LMX1B: variants seen among roughly 807,000 people sequenced by gnomAD.
LMX1B encodes the protein LIM homeobox transcription factor 1 beta, also known as LIM homeobox transcription factor 1-beta.
Under a neutral mutation model 51.4 loss-of-function variants are expected in LMX1B, and 12 were observed. The ratio of observed to expected loss-of-function variants is 0.23; its 90% CI spans 0.15 to 0.38. The LOEUF is 0.38. Ranked by LOEUF, LMX1B falls within the 10% of genes least tolerant of loss-of-function variation. The pLI is 1.00. For synonymous variants in LMX1B, 237 were observed against 235.4 expected, an observed-to-expected ratio of 1.01 and a Z score of -0.06; for missense variants, 445 against 571.1, an observed-to-expected ratio of 0.78 and a Z score of 2.25.
intron 2 of LMX1B, among the ~76,000 whole-genome samples, chr9:126,627,827 C>T (rs1051110411): frequency 6.6e-6 from 1 of 152,238 alleles, no homozygotes; most frequent in African/African-American, 2.4e-5. Flanking sequence ...AGAGCAGAGG[C>T]GGAAATCCCA....
At chr9:126,652,324 G>A (rs903918057) in intron 2 of LMX1B, among the ~76,000 whole-genome samples, 3 of 151,282 alleles carry the variant, frequency 2.0e-5, no homozygotes, top group East Asian at 2.0e-4. Flanking sequence ...CTTTCTTCCC[G>A]GCCTGCTTAT....
intron 2 of LMX1B, among the ~76,000 whole-genome samples, chr9:126,683,998 A>G (rs1361653943): frequency 5.3e-5 from 8 of 152,202 alleles, no homozygotes; most frequent in East Asian, 1.9e-4. Context: ...CACGTGTCCT[A>G]CGGGATGAGA....
At position 126,658,610 on chromosome 9, in the gene LMX1B, C is replaced by T. The variant is rs944357505; in HGVS notation, c.327-32226C>T. Among the ~76,000 whole-genome samples, 7 of 152,226 alleles carry T rather than the reference C, an allele frequency of 4.6e-5. No individual in the cohort carries two copies. Among genetic ancestry groups the T allele is most frequent in the South Asian group, 2.1e-4 (1 of 4,836 alleles). ...TCTAAGTAACCAATTTAAAGGCAGG[C>T]GGCCGCACCCGGCAGCGTTATTACC... is the stretch of plus-strand genomic sequence containing the variant. On this transcript the variant is annotated intron_variant, in intron 2 of 7. Coordinates refer to ENST00000373474, the MANE Select transcript of LMX1B (RefSeq NM_001174147.2). The surrounding 1 kb of genome is among the most constrained non-coding windows in gnomAD (Gnocchi z 4.0).
intron 2 of LMX1B, among the ~76,000 whole-genome samples, chr9:126,617,460 C>A (rs948383444): frequency 6.6e-6 from 1 of 151,788 alleles, no homozygotes; most frequent in Non-Finnish European, 1.5e-5. Flanking sequence ...GCCCTCCCCC[C>A]ACTCCCCATA....
At chr9:126,676,514 C>T (rs924397333) in intron 2 of LMX1B, among the ~76,000 whole-genome samples, 2 of 152,206 alleles carry the variant, frequency 1.3e-5, no homozygotes, top group East Asian at 1.9e-4. Flanking sequence ...TGGGACGTGC[C>T]CACCTGGCCT....
rs769346707 is a variant in LMX1B at position 126,696,290 on chromosome 9, C to G, written c.1052-4C>G. The stretch of plus-strand genomic sequence containing the variant: ...CCGGTCCTGACACCCCTTCTGCCCC[C>G]CAGGGAACGACTCCATCTTCCATGA... On this transcript the variant is annotated splice_region_variant and splice_polypyrimidine_tract_variant and intron_variant, in intron 7 of 7. Coordinates refer to ENST00000373474, the MANE Select transcript of LMX1B (RefSeq NM_001174147.2). The G allele has an allele frequency of 2.5e-6, 4 of 1,614,018 alleles. No individual in the cohort carries two copies. The highest frequency in any genetic ancestry group is 2.2e-5 in the East Asian group (1 of 44,870).
chr9:126,651,603 C>T (rs895705041), intron 2 of LMX1B, among the ~76,000 whole-genome samples: 3 of 152,154 alleles, frequency 2.0e-5, no homozygotes, highest in Admixed American at 6.5e-5. Context: ...GCCATGGGAA[C>T]GCTGCCCTGT....
intron 2 of LMX1B, among the ~76,000 whole-genome samples, chr9:126,682,081 G>GCCTTTTTTTTTTTTTTTTTT (rs755608375): frequency 1.2e-5 from 1 of 81,270 alleles, no homozygotes; most frequent in African/African-American, 5.5e-5. Context: ...GGTCCCCAGG[G>GCCTTTTTTTTTTTTTTTTTT]TCTTTTTTTT....
intron 2 of LMX1B, among the ~76,000 whole-genome samples, chr9:126,665,135 G>C (rs1438623275): frequency 1.3e-5 from 2 of 152,228 alleles, no homozygotes; most frequent in Non-Finnish European, 2.9e-5. Flanking sequence ...ATTATCCCCA[G>C]GTGGAGGTGG....
At chr9:126,645,373 G>A (rs1835879968) in intron 2 of LMX1B, among the ~76,000 whole-genome samples, 1 of 152,220 alleles carries the variant, frequency 6.6e-6, no homozygotes, top group Non-Finnish European at 1.5e-5. Context: ...TCTTGTGAGG[G>A]AGACATACAT....
chr9:126,689,904 A>T (rs1227049990), intron 2 of LMX1B, among the ~76,000 whole-genome samples: 1 of 152,240 alleles, frequency 6.6e-6, no homozygotes, highest in Non-Finnish European at 1.5e-5. Context: ...GGTTGTTGCA[A>T]GGATTAAATG....
rs1365258793 is a variant in LMX1B, at chr9:126,625,634, G to T, written c.326+10065G>T. ...CATGCTCGGCCCCTTTCTTCCGAGG[G>T]TGAATTCCTTTGTTCCACCCCCACG... On this transcript the variant is annotated intron_variant, in intron 2 of 7. Transcript: ENST00000373474. The surrounding 1 kb of genome is among the most constrained non-coding windows in gnomAD (Gnocchi z 5.3). Among the ~76,000 whole-genome samples, 1 of 152,210 alleles carries T rather than the reference G, an allele frequency of 6.6e-6. No homozygotes were observed. The highest frequency in any genetic ancestry group is 2.4e-5 in the African/African-American group (1 of 41,460).
intron 2 of LMX1B, among the ~76,000 whole-genome samples, chr9:126,620,596 C>T (rs1008421954): frequency 1.3e-5 from 2 of 152,108 alleles, no homozygotes; most frequent in East Asian, 3.9e-4. Context: ...GGCTCTTTCT[C>T]CTTTGGGGGC....
chr9:126,614,626 G>T (rs757642890), intron 1 of LMX1B, 38 bp downstream of exon 1: 45 of 1,495,158 alleles, frequency 3.0e-5, no homozygotes, highest in Non-Finnish European at 3.9e-5. Context: ...GGTCTCGGGC[G>T]TGGGATGGGG....
Position 126,696,428 on chromosome 9 carries a change from C to A in LMX1B, c.1186C>A (p.Gln396Lys), listed in dbSNP as rs562805909. The A allele has an allele frequency of 6.2e-7, 1 of 1,614,102 alleles. No individual in the cohort carries two copies. Among genetic ancestry groups the A allele is most frequent in the African/African-American group, 1.3e-5 (1 of 75,064 alleles). ...CCCCATCGACCGGCTCTACTCCATG[C>A]AGAGTTCCTACTTCGCCTCCTGAGA... is the stretch of plus-strand genomic sequence containing the variant. ...GNPIDRLYSM[Q>K]SSYFAS The change falls in exon 8 of 8, where the codon CAG becomes AAG. Residue 396 changes from glutamine (Q) to lysine (K), a missense_variant. Physicochemically the swap from Gln to Lys is moderately conservative, Grantham distance 53. Coordinates refer to ENST00000373474, the MANE Select transcript of LMX1B (RefSeq NM_001174147.2).
At chr9:126,668,443 T>TTTTTTATTATTATTATTATTA (rs1554726311) in intron 2 of LMX1B, among the ~76,000 whole-genome samples, 1 of 146,922 alleles carries the variant, frequency 6.8e-6, no homozygotes, top group African/African-American at 2.5e-5. Flanking sequence ...AGAAGCAGGA[T>TTTTTTATTATTATTATTATTA]TTATTATTAT....
At chr9:126,667,317 G>T (rs1172324702) in intron 2 of LMX1B, among the ~76,000 whole-genome samples, 1 of 152,232 alleles carries the variant, frequency 6.6e-6, no homozygotes, top group African/African-American at 2.4e-5. Flanking sequence ...GTATCTTGCA[G>T]CCACGACGTA....
At chr9:126,694,591 T>C (rs1183336957) in intron 6 of LMX1B, among the ~76,000 whole-genome samples, 1 of 152,208 alleles carries the variant, frequency 6.6e-6, no homozygotes, top group East Asian at 1.9e-4. Context: ...CTGGGACTGC[T>C]GAAGCAGGCG....
intron 2 of LMX1B, among the ~76,000 whole-genome samples, chr9:126,653,277 C>T (rs1836055587): frequency 1.3e-5 from 2 of 151,550 alleles, no homozygotes; most frequent in South Asian, 4.2e-4. Context: ...CTCAGCTACC[C>T]CCGATGAGCT....
Sources: allele counts gnomAD v4.1 joint callset (sites outside exome capture counted in the v4.1 genomes callset), GRCh38; gene constraint gnomAD v4.1.1; non-coding constraint Gnocchi (gnomAD v3.1); transcripts MANE v1.5; gene names NCBI Gene and HGNC (gene_info 2026-07-23, HGNC 2026-07-21).